The following AFF3 variants were observed in gnomAD, a reference collection of about 807,000 sequenced individuals.
AFF3 encodes AF4/FMR2 family member 3.
Under a neutral mutation model 129.7 loss-of-function variants are expected in AFF3, and 32 were observed. The ratio of observed to expected loss-of-function variants is 0.25; its 90% CI spans 0.19 to 0.33. The LOEUF (loss-of-function observed/expected upper bound fraction) is 0.33, where lower values mean the gene tolerates loss of function less well. Ranked by LOEUF, AFF3 falls within the 10% of genes least tolerant of loss-of-function variation. The pLI, the probability that AFF3 is intolerant of heterozygous loss-of-function variation, is 1.00. For missense variants in AFF3, 1,373 were observed against 1,592.0 expected (o/e 0.86, Z 2.34); for synonymous variants, 644 against 635.4 (o/e 1.01, Z -0.20).
chr2:99,855,136 C>T (rs926294607), intron 7 of AFF3, among the ~76,000 whole-genome samples: 2 of 151,934 alleles, frequency 1.3e-5, no homozygotes, highest in Non-Finnish European at 2.9e-5. Context: ...ACAAAAAAAT[C>T]GTTAAAATTA....
At position 99,999,640 on chromosome 2, in the gene AFF3, T is replaced by A. The variant is rs531765355; in HGVS notation, c.873+6992A>T. 9.2e-4 allele frequency among the ~76,000 whole-genome samples: 140 copies of A among 152,304 alleles called. 1 individual carries two copies. The highest frequency in any genetic ancestry group is 3.3e-3 in the African/African-American group (138 of 41,562). On this transcript the variant is annotated intron_variant, in intron 7 of 24. Coordinates refer to ENST00000672756, the MANE Select transcript of AFF3 (RefSeq NM_001386135.1). ...AGCAAATAGGGCCACTATAAATAAC[T>A]ATAGGAATTATTATGAGTGTGAATT...
intron 9 of AFF3, among the ~76,000 whole-genome samples, chr2:99,744,436 T>C (rs939136457): frequency 1.3e-5 from 2 of 152,218 alleles, no homozygotes; most frequent in African/African-American, 4.8e-5. Context: ...CAGTGGCATT[T>C]GGTACTTTCA....
chr2:100,073,122 C>A (rs1453359374), intron 4 of AFF3, among the ~76,000 whole-genome samples: 1 of 152,196 alleles, frequency 6.6e-6, no homozygotes, highest in Non-Finnish European at 1.5e-5. Context: ...TGTGTCCCTG[C>A]AGACCCCACA....
chr2:99,642,071 A>G (rs184122645), intron 13 of AFF3, among the ~76,000 whole-genome samples: 13 of 152,348 alleles, frequency 8.5e-5, no homozygotes, highest in Non-Finnish European at 1.3e-4. Context: ...AATGCAAAAC[A>G]TAAGTATGAA....
intron 2 of AFF3, among the ~76,000 whole-genome samples, chr2:100,115,781 CAACTT>C (rs900905831): frequency 2.6e-5 from 4 of 152,032 alleles, no homozygotes; most frequent in Non-Finnish European, 5.9e-5. Flanking sequence ...ATGGGAATAT[CAACTT>C]TTCTTTTGTT....
At position 99,669,476 on chromosome 2, in the gene AFF3, G is replaced by A. The variant is rs577882240; in HGVS notation, c.1143+3062C>T. ...AAGCAAGACACAAAGAGTACATGCC[G>A]AATAATTCCATTGATACAAAGTGCA... On this transcript the variant is annotated intron_variant, in intron 12 of 24. Transcript: ENST00000672756. Among the ~76,000 whole-genome samples the A allele has an allele frequency of 4.7e-4, 71 of 152,190 alleles. No homozygotes were observed. The South Asian group carries it at 9.8e-3, about 21-fold the overall frequency.
At chr2:99,783,161 C>G (rs1323796496) in intron 8 of AFF3, among the ~76,000 whole-genome samples, 1 of 152,168 alleles carries the variant, frequency 6.6e-6, no homozygotes, top group African/African-American at 2.4e-5. Context: ...ATTATTTACC[C>G]AACTTTGAAA....
chr2:100,104,795 TGCAGCCGCCGCCGCCGCCGCCGCCGCC>T (rs1691123297), intron 3 of AFF3: 7 of 721,752 alleles, frequency 9.7e-6, no homozygotes, highest in Non-Finnish European at 9.5e-6. Context: ...GGCCCGCTGC[TGCAGCCGCCGCCGCCGCCGCCGCCGCC>T]GCGGTGCTCT....
At chr2:100,058,070 A>C (rs1686952343) in intron 4 of AFF3, among the ~76,000 whole-genome samples, 1 of 152,224 alleles carries the variant, frequency 6.6e-6, no homozygotes, top group African/African-American at 2.4e-5. Flanking sequence ...GGGACCACAC[A>C]GGAGAAAAAT....
intron 13 of AFF3, among the ~76,000 whole-genome samples, chr2:99,618,161 T>C (rs1416802861): frequency 6.7e-6 from 1 of 149,432 alleles, no homozygotes; most frequent in Non-Finnish European, 1.5e-5. Context: ...TTTAAAGGGG[T>C]AACAAAAGTG....
intron 8 of AFF3, among the ~76,000 whole-genome samples, chr2:99,785,853 T>C (rs1292610412): frequency 1.3e-5 from 2 of 152,116 alleles, no homozygotes; most frequent in African/African-American, 2.4e-5. Context: ...GTTCAAGCGA[T>C]TCTGCTGCCT....
intron 7 of AFF3, among the ~76,000 whole-genome samples, chr2:99,947,533 A>G (rs1289724192): frequency 0.011 from 1,586 of 146,890 alleles, 64 homozygotes; most frequent in African/African-American, 0.04. Flanking sequence ...GAAAGAAAGA[A>G]AGAAAAAGAG....
chr2:99,706,986 A>G (rs1044501521), intron 11 of AFF3: 29 of 566,104 alleles, frequency 5.1e-5, no homozygotes, highest in Non-Finnish European at 5.8e-5. Flanking sequence ...CTTTTATAGG[A>G]CATTCACATT....
intron 4 of AFF3, among the ~76,000 whole-genome samples, chr2:100,043,581 G>GA (rs1302713677): frequency 1.3e-5 from 2 of 151,692 alleles, no homozygotes; most frequent in African/African-American, 4.9e-5. Flanking sequence ...ATAGATGAAG[G>GA]AAAAAATAGC....
chr2:99,911,571 T>C (rs189368764), intron 7 of AFF3, among the ~76,000 whole-genome samples: 2 of 152,238 alleles, frequency 1.3e-5, no homozygotes, highest in Admixed American at 6.5e-5. Flanking sequence ...ACTTTACTGA[T>C]CAACACTTGA....
intron 9 of AFF3, among the ~76,000 whole-genome samples, chr2:99,750,051 A>G (rs1291092142): frequency 6.6e-6 from 1 of 152,220 alleles, no homozygotes; most frequent in South Asian, 2.1e-4. Context: ...TTAGAATAAA[A>G]TAGAGGACAC....
At chr2:99,803,300 T>A (rs2105521074) in intron 8 of AFF3, among the ~76,000 whole-genome samples, 1 of 152,310 alleles carries the variant, frequency 6.6e-6, no homozygotes, top group Admixed American at 6.5e-5. Context: ...CATGGTGAAT[T>A]ATCTTTTTGA....
rs541731245 is a variant in AFF3 at position 100,141,365 on chromosome 2, G to A, written c.-228+1119C>T. ...ACAACCAAAACTAAGAATATTAAAT[G>A]TCTGTATTACTTTCACTGTAATCAC... On this transcript the variant is annotated intron_variant, in intron 1 of 24. Coordinates refer to ENST00000672756, the MANE Select transcript of AFF3 (RefSeq NM_001386135.1). Among the ~76,000 whole-genome samples, 500 of 152,298 alleles carry A rather than the reference G, an allele frequency of 3.3e-3. 6 individuals are homozygous for A. The highest frequency in any genetic ancestry group is 0.011 in the African/African-American group (477 of 41,564).
chr2:99,554,828 A>G, intron 22 of AFF3, 96 bp from the exon 23 acceptor site: 1 of 1,423,908 alleles, frequency 7.0e-7, no homozygotes, highest in Admixed American at 1.8e-5. Context: ...AGAGAAGCAA[A>G]GGCAGACACT....
Sources: gnomAD v4.1 joint callset for allele counts (sites outside exome capture counted in the v4.1 genomes callset) on GRCh38, gnomAD v4.1.1 for gene constraint, MANE v1.5 for transcripts, NCBI Gene and HGNC (gene_info 2026-07-23, HGNC 2026-07-21) for gene names.